Variants in RAB3IL1 observed in about 807,000 individuals in gnomAD.
RAB3IL1 encodes the protein guanine nucleotide exchange factor for Rab-3A.
RAB3IL1 carries 37 observed loss-of-function variants against 49.2 expected under a neutral mutation model. That is an observed-to-expected ratio of 0.75 (90% confidence interval 0.58 to 0.99). The LOEUF (loss-of-function observed/expected upper bound fraction) is 0.99. Among genes scored for constraint, RAB3IL1 ranks in the 50% least tolerant of loss-of-function variants. RAB3IL1 has a pLI of 0.00. For missense variants in RAB3IL1, 484 were observed against 513.0 expected, an observed-to-expected ratio of 0.94 and a Z score of 0.55; for synonymous variants, 193 against 213.9, an observed-to-expected ratio of 0.90 and a Z score of 0.85.
the RAB3IL1 span, among the ~76,000 whole-genome samples, chr11:61,942,411 C>T: frequency 4.6e-4 from 70 of 152,118 alleles, 1 homozygote; most frequent in East Asian, 0.01. Flanking sequence ...GTCCCATGAC[C>T]CTGCCAAATC....
rs1939217753 is a variant in RAB3IL1 at position 61,906,823 on chromosome 11, T to C, written c.439-139A>G. On this transcript the variant is annotated intron_variant, in intron 4 of 9. Transcript: ENST00000394836. The surrounding 1 kb of genome is among the most constrained non-coding windows in gnomAD (Gnocchi z 4.6). The stretch of plus-strand genomic sequence containing the variant: ...CCCACCCGACGCCCTCAGAACAGCC[T>C]TCGAGGCAGAGACCCAGACACTCGT... The C allele has an allele frequency of 4.9e-6, 4 of 816,338 alleles. No homozygotes were observed. Among genetic ancestry groups the C allele is most frequent in the African/African-American group, 1.7e-5 (1 of 59,382 alleles). 50.6% of individuals were successfully genotyped at this position (816,338 alleles called of 1,614,324 possible).
chr11:61,907,733 G>A (rs954127126), intron 2 of RAB3IL1, 73 bp from the exon 3 acceptor site: 30 of 1,366,684 alleles, frequency 2.2e-5, no homozygotes, highest in Admixed American at 3.7e-5. Context: ...CAGGCCCACC[G>A]GACCAGGTTC....
In RAB3IL1 at chr11:61,907,613, C is replaced by T. The variant is rs567411008; in HGVS notation, c.312G>A (p.Arg104=). The T allele has an allele frequency of 1.2e-6, 2 of 1,614,140 alleles. No homozygotes were observed. The highest frequency in any genetic ancestry group is 2.2e-5 in the East Asian group (1 of 44,886). ...DEECERLSKV[R]EQLEQELEEL... ...CTTCCAGCTCCTGTTCTAGCTGCTC[C>T]CGCACCTTGGACAGCCGCTCACATT... The change falls in exon 3 of 10, where the codon CGG becomes CGA. Residue 104 remains arginine (R), a synonymous_variant. Coordinates refer to ENST00000394836, the MANE Select transcript of RAB3IL1 (RefSeq NM_013401.4).
chr11:61,926,104 C>CAAAAAAAAAAAAAAAAAAAAAAAAAAAA, the RAB3IL1 span, among the ~76,000 whole-genome samples: 3 of 64,062 alleles, frequency 4.7e-5, 1 homozygote, highest in Non-Finnish European at 8.9e-5. Flanking sequence ...TCCTTCCTGC[C>CAAAAAAAAAAAAAAAAAAAAAAAAAAAA]AAAAAAAAAA....
At chr11:61,920,491 C>T (rs1175135014), upstream of RAB3IL1, among the ~76,000 whole-genome samples, 1 of 152,212 alleles carries the variant, frequency 6.6e-6, no homozygotes, top group African/African-American at 2.4e-5. Context: ...CCCAGATGGT[C>T]CGCTTGTCCC....
At chr11:61,902,596 C>T (rs1188624135) in intron 7 of RAB3IL1, 55 bp from the exon 8 acceptor site, 5 of 1,456,804 alleles carry the variant, frequency 3.4e-6, no homozygotes, top group Non-Finnish European at 4.7e-6. Context: ...CCCTCTCCCT[C>T]ACCCCTGCAT....
At position 61,917,515 on chromosome 11, in the gene RAB3IL1, G is replaced by A. The variant is rs1485565513; in HGVS notation, c.-148C>T. On this transcript the variant is annotated 5_prime_UTR_variant, in exon 1 of 10. Transcript: ENST00000394836. ...CGCGGCCGGTCAGTAGGTCTCAGAC[G>A]CCTGGGCTCGCGGCCCCCAGCCCAG... 4.5e-6 allele frequency: 5 copies of A among 1,123,276 alleles called. No homozygotes were observed. In the African/African-American group the frequency reaches 8.3e-5, roughly 19 times the overall value. The allele number at this position is 1,123,276 out of a possible 1,614,324, so 69.6% of individuals were successfully genotyped here.
At chr11:61,904,949 T>C in intron 5 of RAB3IL1, 67 bp from the exon 6 acceptor site, 4 of 1,243,996 alleles carry the variant, frequency 3.2e-6, no homozygotes, top group Non-Finnish European at 4.5e-6. Flanking sequence ...AGATGCAGGC[T>C]GAGCTGAAGG....
chr11:61,928,126 G>T, the RAB3IL1 span, among the ~76,000 whole-genome samples: 4 of 151,676 alleles, frequency 2.6e-5, no homozygotes, highest in Non-Finnish European at 5.9e-5. Context: ...TTAGGGATGT[G>T]GTGGACTTGA....
chr11:61,907,673 A>G lies in RAB3IL1; in HGVS notation c.265-13T>C. ...TTAGCTTCAGCTCCTGGAGGAAAAG[A>G]GGCAGGCACTTGAGCACCTCAGCAT... On this transcript the variant is annotated splice_polypyrimidine_tract_variant and intron_variant, in intron 2 of 9. Coordinates refer to ENST00000394836, the MANE Select transcript of RAB3IL1 (RefSeq NM_013401.4). 6.2e-7 allele frequency: 1 copy of G among 1,613,266 alleles called. No homozygotes were observed.
At chr11:61,920,411 C>G, upstream of RAB3IL1, 1 of 528,908 alleles carries the variant, frequency 1.9e-6, no homozygotes, top group Non-Finnish European at 2.8e-6. Flanking sequence ...GACACTGGGC[C>G]CTCCTTCCTG....
chr11:61,904,421 T>G (rs943639092), intron 7 of RAB3IL1, 125 bp downstream of exon 7: 9 of 968,080 alleles, frequency 9.3e-6, no homozygotes, highest in Non-Finnish European at 1.4e-5. Context: ...CCTTGCCCTG[T>G]GGGGGCAGCA....
At chr11:61,909,270 G>T (rs965688534) in intron 1 of RAB3IL1, among the ~76,000 whole-genome samples, 2 of 152,134 alleles carry the variant, frequency 1.3e-5, no homozygotes, top group Admixed American at 6.5e-5. Flanking sequence ...CACCAGAGGG[G>T]GAAGGCAAGG....
intron 1 of RAB3IL1, among the ~76,000 whole-genome samples, chr11:61,915,248 G>C (rs1271563314): frequency 6.6e-6 from 1 of 152,166 alleles, no homozygotes; most frequent in Admixed American, 6.5e-5. Context: ...GATTCTGTGG[G>C]GGTCAGCCTG....
the RAB3IL1 span, among the ~76,000 whole-genome samples, chr11:61,928,111 G>A: frequency 1.3e-5 from 2 of 151,642 alleles, no homozygotes; most frequent in East Asian, 3.9e-4. Flanking sequence ...GAGAATTTCT[G>A]CTCCTTAGGG....
intron 1 of RAB3IL1, 31 bp downstream of exon 1, chr11:61,917,326 A>C: frequency 7.6e-7 from 1 of 1,323,180 alleles, no homozygotes; most frequent in Non-Finnish European, 9.7e-7. Flanking sequence ...GCCCAGACCC[A>C]GCGCGGGACC....
At position 61,907,511 on chromosome 11, in the gene RAB3IL1, A is replaced by T. The variant is rs370779228; in HGVS notation, c.361-41T>A. On this transcript the variant is annotated intron_variant, in intron 3 of 9. Coordinates refer to ENST00000394836, the MANE Select transcript of RAB3IL1 (RefSeq NM_013401.4). Reference sequence around the variant, plus strand: ...TCCCTGCGTGAGTGGTGAGGAGCCAACGGACGCCCAGATGACCCATTCCCC... The same window carrying T: ...TCCCTGCGTGAGTGGTGAGGAGCCATCGGACGCCCAGATGACCCATTCCCC... The T allele has an allele frequency of 1.3e-4, 202 of 1,613,940 alleles. 2 individuals carry two copies. The Middle Eastern group carries it at 1.3e-3, about 11-fold the overall frequency.
the RAB3IL1 span, among the ~76,000 whole-genome samples, chr11:61,940,671 C>T: frequency 6.6e-6 from 1 of 151,810 alleles, no homozygotes; most frequent in African/African-American, 2.4e-5. Flanking sequence ...GCCTGTAATC[C>T]CAGCACTTCG....
At chr11:61,930,505 A>G in the RAB3IL1 span, among the ~76,000 whole-genome samples, 866 of 152,320 alleles carry the variant, frequency 5.7e-3, 7 homozygotes, top group African/African-American at 0.02. Flanking sequence ...AAGACGAATC[A>G]TGGTGAATTA....
Sources: allele counts gnomAD v4.1 joint callset (sites outside exome capture counted in the v4.1 genomes callset), GRCh38; gene constraint gnomAD v4.1.1; non-coding constraint Gnocchi (gnomAD v3.1); transcripts MANE v1.5; gene names NCBI Gene and HGNC (gene_info 2026-07-23, HGNC 2026-07-21).